PACRG: variants seen among roughly 807,000 people sequenced by gnomAD.
The protein encoded by PACRG is parkin coregulated.
Under a neutral mutation model 29.7 loss-of-function variants are expected in PACRG, and 29 were observed. The ratio of observed to expected loss-of-function variants is 0.98; its 90% CI spans 0.73 to 1.33. The LOEUF is 1.33. PACRG is among the 40% of genes most tolerant of loss of function. The pLI is 0.00. For synonymous variants in PACRG, 116 were observed against 118.7 expected (o/e 0.98, Z 0.15); for missense variants, 279 against 316.2 (o/e 0.88, Z 0.89).
At chr6:163,042,568 C>G (rs1409045382) in intron 2 of PACRG, 2 of 152,098 alleles carry the variant, frequency 1.3e-5, no homozygotes, top group Non-Finnish European at 2.9e-5. Context: ...TTTTAAAACT[C>G]TACTTTATTA....
intron 4 of PACRG, among the ~76,000 whole-genome samples, chr6:163,128,589 C>G (rs1816606398): frequency 6.6e-6 from 1 of 152,150 alleles, no homozygotes; most frequent in Admixed American, 6.5e-5. Flanking sequence ...GTGGTTAGTG[C>G]AGTGATACTC....
chr6:162,787,580 G>GTATCTATC (rs746185048), intron 1 of PACRG, among the ~76,000 whole-genome samples: 16 of 69,172 alleles, frequency 2.3e-4, no homozygotes, highest in Admixed American at 1.5e-3. Flanking sequence ...GTGTGTGTGT[G>GTATCTATC]TGTATATATA....
intron 2 of PACRG, among the ~76,000 whole-genome samples, chr6:162,979,226 T>G: frequency 6.6e-6 from 1 of 152,124 alleles, no homozygotes; most frequent in Non-Finnish European, 1.5e-5. Flanking sequence ...CCCTTCCTCC[T>G]GGGGTGAGGT....
chr6:162,780,860 G>GA (rs1562590143), intron 1 of PACRG, among the ~76,000 whole-genome samples: 1 of 151,508 alleles, frequency 6.6e-6, no homozygotes, highest in Non-Finnish European at 1.5e-5. Context: ...GAAGCAGATA[G>GA]AAAAAAAATT....
At chr6:163,266,921 A>G (rs936120632) in intron 4 of PACRG, among the ~76,000 whole-genome samples, 1 of 152,184 alleles carries the variant, frequency 6.6e-6, no homozygotes, top group Non-Finnish European at 1.5e-5. Context: ...CCAAATGTAT[A>G]GTGAGCCCCT....
At chr6:163,196,856 A>G (rs573573509) in intron 4 of PACRG, among the ~76,000 whole-genome samples, 2 of 151,080 alleles carry the variant, frequency 1.3e-5, no homozygotes, top group South Asian at 2.1e-4. Flanking sequence ...CAGATAGACA[A>G]ATAGACAGAC....
intron 2 of PACRG, among the ~76,000 whole-genome samples, chr6:163,021,207 C>T (rs1255287756): frequency 1.3e-5 from 2 of 152,188 alleles, no homozygotes; most frequent in Non-Finnish European, 2.9e-5. Context: ...CACTGCAAAG[C>T]TCAGTGTGTC....
chr6:163,315,060 C>A lies in PACRG; in HGVS notation c.*73C>A. The A allele has an allele frequency of 6.6e-7, 1 of 1,504,964 alleles. No individual in the cohort carries two copies. Among genetic ancestry groups the A allele is most frequent in the African/African-American group, 1.4e-5 (1 of 71,984 alleles). 93.2% of individuals were successfully genotyped at this position (1,504,964 alleles called of 1,614,324 possible). Reference sequence around the variant, plus strand: ...TCTGTCTCTGTTGCTTTTAGCATCTCATTCCTTGTGACTTCCACAGCTTTC... The same window carrying A: ...TCTGTCTCTGTTGCTTTTAGCATCTAATTCCTTGTGACTTCCACAGCTTTC... On this transcript the variant is annotated 3_prime_UTR_variant, in exon 5 of 5. Transcript: ENST00000366888.
intron 1 of PACRG, among the ~76,000 whole-genome samples, chr6:162,762,828 A>T (rs1392625095): frequency 6.6e-6 from 1 of 152,212 alleles, no homozygotes; most frequent in Non-Finnish European, 1.5e-5. Context: ...TTTGATTATA[A>T]TGTTGTTTTA....
At chr6:162,761,964 C>CA (rs1782404703) in intron 1 of PACRG, among the ~76,000 whole-genome samples, 1 of 146,358 alleles carries the variant, frequency 6.8e-6, no homozygotes, top group Non-Finnish European at 1.5e-5. Context: ...AAACCCCCCC[C>CA]CAAAAAAAAA....
intron 2 of PACRG, among the ~76,000 whole-genome samples, chr6:162,839,884 G>A (rs1351302384): frequency 6.9e-6 from 1 of 144,564 alleles, no homozygotes; most frequent in African/African-American, 2.6e-5. Context: ...TCTCAGGTTT[G>A]TCAAAGATCA....
intron 4 of PACRG, among the ~76,000 whole-genome samples, chr6:163,292,203 G>C (rs1784632417): frequency 6.6e-6 from 1 of 152,162 alleles, no homozygotes; most frequent in South Asian, 2.1e-4. Context: ...GACCGACCTC[G>C]ACAGTCGAGG....
At chr6:163,004,745 C>T (rs2128204010) in intron 2 of PACRG, among the ~76,000 whole-genome samples, 1 of 140,138 alleles carries the variant, frequency 7.1e-6, no homozygotes, top group Non-Finnish European at 1.5e-5. Context: ...TATACACACA[C>T]ACACACACAC....
At chr6:163,092,143 A>C (rs557296661) in intron 4 of PACRG, among the ~76,000 whole-genome samples, 3 of 152,362 alleles carry the variant, frequency 2.0e-5, no homozygotes, top group East Asian at 3.9e-4. Context: ...TATTCTTTCA[A>C]ATAAAATGAC....
rs185618050 is a variant in PACRG at position 162,953,170 on chromosome 6, A to T, written c.292-108980A>T. Among the ~76,000 whole-genome samples the T allele has an allele frequency of 4.6e-5, 7 of 152,300 alleles. No individual in the cohort carries two copies. In the East Asian group the frequency reaches 1.4e-3, roughly 29 times the overall value. ...TGCATTAAAATTTTACTCTCCTTATAACCTATATTTAATCAATCATATTCA... is the reference window on the plus strand; with the variant it reads ...TGCATTAAAATTTTACTCTCCTTATTACCTATATTTAATCAATCATATTCA... On this transcript the variant is annotated intron_variant, in intron 2 of 4. Transcript: ENST00000366888.
At chr6:162,969,044 C>CAGAAAAA in intron 2 of PACRG, among the ~76,000 whole-genome samples, 1 of 14,968 alleles carries the variant, frequency 6.7e-5, no homozygotes, top group Non-Finnish European at 1.2e-4. Context: ...GAGACTCTAT[C>CAGAAAAA]ACAAAAAAAA....
At chr6:163,302,467 T>A (rs1785042537) in intron 4 of PACRG, among the ~76,000 whole-genome samples, 1 of 152,216 alleles carries the variant, frequency 6.6e-6, no homozygotes, top group African/African-American at 2.4e-5. Flanking sequence ...ATTTCTAGGT[T>A]ATTTTTAACT....
At chr6:162,729,451 G>A (rs544788956) in intron 1 of PACRG, among the ~76,000 whole-genome samples, 11 of 152,272 alleles carry the variant, frequency 7.2e-5, no homozygotes, top group Non-Finnish European at 1.6e-4. Context: ...CTCTAGGCCA[G>A]GTTCCCATGT....
At chr6:162,839,532 A>G (rs1324084182) in intron 2 of PACRG, among the ~76,000 whole-genome samples, 2 of 151,358 alleles carry the variant, frequency 1.3e-5, no homozygotes, top group East Asian at 1.9e-4. Context: ...ATTTTCTCCC[A>G]TTTTGTAGGT....
Sources: allele counts gnomAD v4.1 joint callset (sites outside exome capture counted in the v4.1 genomes callset), GRCh38; gene constraint gnomAD v4.1.1; transcripts MANE v1.5; gene names NCBI Gene and HGNC (gene_info 2026-07-23, HGNC 2026-07-21).